Variants in NCKAP5 observed in about 807,000 individuals in gnomAD.
The protein encoded by NCKAP5 is NCK associated protein 5.
NCKAP5 carries 92 observed loss-of-function variants against 167.0 expected under a neutral mutation model. That is an observed-to-expected ratio of 0.55 (90% CI 0.47 to 0.66). NCKAP5 has a LOEUF of 0.66. Ranked by LOEUF, NCKAP5 falls within the 30% of genes least tolerant of loss-of-function variation. The pLI is 0.00. For missense variants in NCKAP5, 2,378 were observed against 2,315.0 expected (o/e 1.03, Z -0.56); for synonymous variants, 891 against 877.4 (o/e 1.02, Z -0.27).
the NCKAP5 span, among the ~76,000 whole-genome samples, chr2:133,574,500 T>G: frequency 1.3e-5 from 2 of 152,078 alleles, no homozygotes; most frequent in African/African-American, 4.8e-5. Flanking sequence ...CCTCCTTTCA[T>G]GTTGAGAAAG....
intron 1 of NCKAP5, among the ~76,000 whole-genome samples, chr2:133,564,005 G>A (rs1260766178): frequency 6.6e-6 from 1 of 152,048 alleles, no homozygotes. Context: ...GTGGTGGCAG[G>A]CACCTGTAAT....
chr2:132,691,086 A>C (rs1257156364), intron 19 of NCKAP5, among the ~76,000 whole-genome samples: 4 of 152,192 alleles, frequency 2.6e-5, no homozygotes, highest in African/African-American at 4.8e-5. Flanking sequence ...GGCCTAAAAT[A>C]GTTCCCATTC....
At position 132,790,198 on chromosome 2, in the gene NCKAP5, T is replaced by C. The variant is rs761782005; in HGVS notation, c.917A>G (p.Gln306Arg). Residue 306 changes from glutamine (Q) to arginine (R), a missense_variant, in exon 13 of 20, where the codon CAA becomes CGA. By Grantham distance (43) the Gln-to-Arg change is conservative. This residue lies in a region of NCKAP5 where 1,049 missense variants were observed against 1,023.4 expected (regional missense o/e 1.02). Coordinates refer to ENST00000409261, the MANE Select transcript of NCKAP5 (RefSeq NM_207363.3). ...TTTCAAGGCCGATTTTGTATTTAGT[T>C]GGTGTTCCTGAAAAAGCAGGACAGC... Reference protein sequence around the residue: ...SRTDAEVHEHQLNTKSALKCP... With the variant: ...SRTDAEVHEHRLNTKSALKCP... 8.7e-5 allele frequency: 141 copies of C among 1,611,470 alleles called. No homozygotes were observed. Among genetic ancestry groups the C allele is most frequent in the Non-Finnish European group, 1.1e-4 (133 of 1,178,908 alleles).
At chr2:132,839,757 C>CAA (rs59000613) in intron 11 of NCKAP5, among the ~76,000 whole-genome samples, 2,686 of 61,096 alleles carry the variant, frequency 0.044, 79 homozygotes, top group South Asian at 0.063. Flanking sequence ...GACCTTGTCT[C>CAA]AAAAAAAAAA....
chr2:132,880,493 G>T (rs1691661865), intron 8 of NCKAP5, among the ~76,000 whole-genome samples: 1 of 152,120 alleles, frequency 6.6e-6, no homozygotes, highest in Non-Finnish European at 1.5e-5. Flanking sequence ...AACCGGGCTT[G>T]GTGGTGCACA....
intron 8 of NCKAP5, among the ~76,000 whole-genome samples, chr2:132,917,031 G>T (rs556776794): frequency 6.6e-6 from 1 of 152,248 alleles, no homozygotes; most frequent in East Asian, 1.9e-4. Context: ...GTACCTGTGT[G>T]CCAGGCACTG....
chr2:132,944,796 T>C (rs546422903), intron 8 of NCKAP5, among the ~76,000 whole-genome samples: 2 of 152,326 alleles, frequency 1.3e-5, no homozygotes, highest in African/African-American at 4.8e-5. Flanking sequence ...AAAATGACTC[T>C]AAGGACATTG....
chr2:133,246,554 G>A (rs569245933), intron 4 of NCKAP5, among the ~76,000 whole-genome samples: 2 of 152,214 alleles, frequency 1.3e-5, no homozygotes, highest in African/African-American at 2.4e-5. Flanking sequence ...AAGACATGGT[G>A]TGGGCAACGT....
the NCKAP5 span, among the ~76,000 whole-genome samples, chr2:133,627,957 G>A: frequency 6.6e-6 from 1 of 152,120 alleles, no homozygotes; most frequent in African/African-American, 2.4e-5. Context: ...CTTGAGAAAT[G>A]TGACATGAGC....
At chr2:132,975,796 A>C (rs1038871622) in intron 7 of NCKAP5, among the ~76,000 whole-genome samples, 1 of 152,280 alleles carries the variant, frequency 6.6e-6, no homozygotes, top group African/African-American at 2.4e-5. Context: ...AAAAAAAAAA[A>C]AACCTCATAA....
At chr2:133,537,271 C>T (rs1014979406) in intron 2 of NCKAP5, among the ~76,000 whole-genome samples, 7 of 151,948 alleles carry the variant, frequency 4.6e-5, no homozygotes, top group African/African-American at 1.7e-4. Context: ...GATGATTTGG[C>T]TGTTTTTGAT....
At chr2:133,006,303 A>T (rs1030603149) in intron 6 of NCKAP5, among the ~76,000 whole-genome samples, 6 of 152,132 alleles carry the variant, frequency 3.9e-5, no homozygotes, top group Non-Finnish European at 1.5e-5. Context: ...AAACAAAAAA[A>T]GATTTCTTCT....
At chr2:132,674,991 G>A (rs1384581924) in intron 19 of NCKAP5, among the ~76,000 whole-genome samples, 1 of 152,142 alleles carries the variant, frequency 6.6e-6, no homozygotes, top group Admixed American at 6.5e-5. Flanking sequence ...ATGCCAATTT[G>A]CCTACATTTA....
intron 19 of NCKAP5, among the ~76,000 whole-genome samples, chr2:132,678,501 C>T (rs1439890581): frequency 6.6e-6 from 1 of 152,092 alleles, no homozygotes; most frequent in African/African-American, 2.4e-5. Context: ...CTTTAATCAA[C>T]ATAATTTCTT....
chr2:133,468,523 A>G (rs1692780666), intron 3 of NCKAP5, among the ~76,000 whole-genome samples: 1 of 152,026 alleles, frequency 6.6e-6, no homozygotes, highest in African/African-American at 2.4e-5. Context: ...GATGTCTATT[A>G]GGTCCGCTTG....
At chr2:133,528,879 T>C (rs562287084) in intron 2 of NCKAP5, among the ~76,000 whole-genome samples, 2 of 152,332 alleles carry the variant, frequency 1.3e-5, no homozygotes, top group African/African-American at 4.8e-5. Context: ...CAGTGACAAA[T>C]GGGTCACATT....
chr2:133,651,763 T>A, the NCKAP5 span, among the ~76,000 whole-genome samples: 1 of 152,316 alleles, frequency 6.6e-6, no homozygotes, highest in African/African-American at 2.4e-5. Flanking sequence ...ATATATCCAA[T>A]GACAGATGTA....
chr2:132,683,867 A>T (rs1316877351), intron 19 of NCKAP5, among the ~76,000 whole-genome samples: 1 of 152,182 alleles, frequency 6.6e-6, no homozygotes, highest in African/African-American at 2.4e-5. Context: ...CAGCAATGAG[A>T]TTGACTACCT....
At chr2:132,700,310 C>T (rs1242375893) in intron 19 of NCKAP5, among the ~76,000 whole-genome samples, 1 of 150,920 alleles carries the variant, frequency 6.6e-6, no homozygotes, top group Non-Finnish European at 1.5e-5. Context: ...TTTTGCTGTG[C>T]CGAAGCTCTT....
Sources: allele counts gnomAD v4.1 joint callset (sites outside exome capture counted in the v4.1 genomes callset), GRCh38; gene constraint gnomAD v4.1.1; regional missense constraint gnomAD v4.1.1; transcripts MANE v1.5; gene names NCBI Gene and HGNC (gene_info 2026-07-23, HGNC 2026-07-21).